ARHGAP21: variants seen among roughly 807,000 people sequenced by gnomAD.
ARHGAP21 encodes the protein rho GTPase-activating protein 21.
ARHGAP21 carries 38 observed loss-of-function variants against 164.6 expected under a neutral mutation model. The observed-to-expected ratio is 0.23, with a 90% confidence interval of 0.18 to 0.30. The LOEUF is 0.30. ARHGAP21 is among the 10% of genes least tolerant of loss of function. ARHGAP21 has a pLI of 1.00. For synonymous variants in ARHGAP21, 766 were observed against 857.9 expected (o/e 0.89, Z 1.87); for missense variants, 1,822 against 2,370.7 (o/e 0.77, Z 4.81).
chr10:24,640,361 TCTCA>T (rs1272963537), intron 4 of ARHGAP21: 1 of 151,770 alleles, frequency 6.6e-6, no homozygotes, highest in African/African-American at 2.4e-5. Flanking sequence ...GTTTCTTCTC[TCTCA>T]GAGTTCCCAA....
chr10:24,633,883 CTTTTT>C (rs3073324), intron 5 of ARHGAP21, among the ~76,000 whole-genome samples: 4 of 75,456 alleles, frequency 5.3e-5, no homozygotes, highest in Admixed American at 1.9e-4. Flanking sequence ...CTTTTTTTCT[CTTTTT>C]TTTTTTTTTT....
At chr10:24,665,204 CTGGTGCATGACAGA>C (rs1840073257) in intron 4 of ARHGAP21, among the ~76,000 whole-genome samples, 1 of 152,014 alleles carries the variant, frequency 6.6e-6, no homozygotes, top group African/African-American at 2.4e-5. Context: ...CATCCTAACC[CTGGTGCATGACAGA>C]TGGTAATGCA....
chr10:24,593,016 G>A (rs536488422), intron 21 of ARHGAP21, among the ~76,000 whole-genome samples: 1 of 152,040 alleles, frequency 6.6e-6, no homozygotes, highest in South Asian at 2.1e-4. Context: ...AAATCTTATA[G>A]TATCTGATAT....
At chr10:24,696,066 C>T (rs1484750296) in intron 2 of ARHGAP21, among the ~76,000 whole-genome samples, 1 of 152,202 alleles carries the variant, frequency 6.6e-6, no homozygotes, top group African/African-American at 2.4e-5. Flanking sequence ...CACACTCTAC[C>T]ACCAAAAACA....
At chr10:24,622,828 T>C in intron 7 of ARHGAP21, 66 bp from the exon 8 acceptor site, 2 of 1,520,656 alleles carry the variant, frequency 1.3e-6, no homozygotes, top group Admixed American at 1.9e-5. Context: ...CATGTTGTCA[T>C]ATTGATGCTG....
chr10:24,615,301 C>G lies in ARHGAP21; in HGVS notation c.2422+4172G>C, dbSNP rs988104187. Among the ~76,000 whole-genome samples the G allele has an allele frequency of 4.6e-5, 7 of 152,212 alleles. No individual in the cohort carries two copies. In the South Asian group the frequency reaches 1.5e-3, roughly 32 times the overall value. ...AACGAACTCGACACTTCTAAACCAT[C>G]TGGATATGGCAGTGCCGTTAAGGCT... On this transcript the variant is annotated intron_variant, in intron 9 of 25. Transcript: ENST00000396432.
At chr10:24,637,331 CA>C (rs1294244687) in intron 4 of ARHGAP21, among the ~76,000 whole-genome samples, 2 of 152,188 alleles carry the variant, frequency 1.3e-5, no homozygotes, top group African/African-American at 4.8e-5. Flanking sequence ...CAGGTTAGGT[CA>C]GTCTGTGGTC....
intron 16 of ARHGAP21, 79 bp downstream of exon 16, chr10:24,597,368 G>A: frequency 1.3e-6 from 2 of 1,531,552 alleles, no homozygotes. Context: ...AGTAGAAATG[G>A]TACAGAAAAC....
intron 19 of ARHGAP21, 115 bp from the exon 20 acceptor site, chr10:24,595,305 T>A: frequency 1.1e-6 from 1 of 916,578 alleles, no homozygotes; most frequent in South Asian, 1.9e-5. Flanking sequence ...TCTAATAGTT[T>A]TGAAATGTAA....
intron 25 of ARHGAP21, among the ~76,000 whole-genome samples, chr10:24,588,591 T>G (rs1012041851): frequency 3.9e-5 from 6 of 152,158 alleles, no homozygotes; most frequent in Admixed American, 3.9e-4. Flanking sequence ...TTACAAAATA[T>G]AACAATGTTT....
chr10:24,691,276 A>G (rs1434830327), intron 2 of ARHGAP21, among the ~76,000 whole-genome samples: 3 of 152,236 alleles, frequency 2.0e-5, no homozygotes, highest in Non-Finnish European at 4.4e-5. Flanking sequence ...TGTTGGGTCC[A>G]GCAAAGGCAA....
At chr10:24,698,441 C>G (rs916236016) in intron 2 of ARHGAP21, among the ~76,000 whole-genome samples, 17 of 152,040 alleles carry the variant, frequency 1.1e-4, no homozygotes, top group Non-Finnish European at 2.2e-4. Flanking sequence ...CCCAAAGTTG[C>G]GGAGGAGGTA....
Position 24,584,474 on chromosome 10 carries a change from C to T in ARHGAP21, c.5815G>A (p.Ala1939Thr). 6.2e-7 allele frequency: 1 copy of T among 1,613,800 alleles called. No homozygotes were observed. Among genetic ancestry groups the T allele is most frequent in the Non-Finnish European group, 8.5e-7 (1 of 1,179,784 alleles). ...VSKNASSAAN[A>T]QPHKLSETPG... ...GTTTCAGACAGTTTATGAGGTTGGG[C>T]ATTCGCTGCAGAACTAGCATTTTTG... Residue 1939 changes from alanine to threonine, a missense_variant, in exon 26 of 26, where the codon GCC (alanine) becomes ACC (threonine). By Grantham distance (58) the Ala-to-Thr change is moderately conservative (BLOSUM62 0). Coordinates refer to ENST00000396432, the MANE Select transcript of ARHGAP21 (RefSeq NM_020824.4).
At chr10:24,594,001 ACAAC>A (rs1275707179) in intron 21 of ARHGAP21, among the ~76,000 whole-genome samples, 1 of 152,098 alleles carries the variant, frequency 6.6e-6, no homozygotes, top group Non-Finnish European at 1.5e-5. Context: ...ATCAATCCTT[ACAAC>A]TTCCAGAACA....
chr10:24,673,539 C>T (rs1418116279), intron 2 of ARHGAP21, among the ~76,000 whole-genome samples: 2 of 152,156 alleles, frequency 1.3e-5, no homozygotes, highest in African/African-American at 2.4e-5. Flanking sequence ...ATCTGTAACT[C>T]GTATCACAAA....
At chr10:24,702,736 A>G (rs1045393162) in intron 2 of ARHGAP21, among the ~76,000 whole-genome samples, 11 of 152,014 alleles carry the variant, frequency 7.2e-5, no homozygotes, top group Non-Finnish European at 1.0e-4. Flanking sequence ...ACAGGTGTGC[A>G]CTACTATACT....
chr10:24,642,936 T>C (rs1837224613), intron 4 of ARHGAP21, among the ~76,000 whole-genome samples: 1 of 152,198 alleles, frequency 6.6e-6, no homozygotes, highest in African/African-American at 2.4e-5. Context: ...TGGAAAATGC[T>C]AATAGTAAAA....
chr10:24,664,622 T>G (rs1463025301), intron 4 of ARHGAP21, among the ~76,000 whole-genome samples: 2 of 151,944 alleles, frequency 1.3e-5, no homozygotes, highest in South Asian at 4.2e-4. Context: ...AATTTATGTG[T>G]ACTAAATCTT....
Position 24,670,073 on chromosome 10 carries a change from A to C in ARHGAP21, c.243+145T>G, listed in dbSNP as rs528464858. ...AGGTGGGAAAATACCTAAAAGGAGA[A>C]AAATAATATAATAAAAATTCAAATG... On this transcript the variant is annotated intron_variant, in intron 3 of 25. Transcript: ENST00000396432. 2.2e-5 allele frequency: 11 copies of C among 491,878 alleles called. No individual in the cohort carries two copies. The East Asian group carries it at 3.5e-4, about 16-fold the overall frequency. The allele number at this position is 491,878 out of a possible 1,614,324, so 30.5% of individuals were successfully genotyped here. A position where few individuals can be genotyped will look rare whatever the true frequency, so the allele number is the denominator to read the frequency against.
Sources: allele counts gnomAD v4.1 joint callset (sites outside exome capture counted in the v4.1 genomes callset), GRCh38; gene constraint gnomAD v4.1.1; transcripts MANE v1.5; gene names NCBI Gene and HGNC (gene_info 2026-07-23, HGNC 2026-07-21).